The following LRRC4C variants were observed in gnomAD, a reference collection of about 807,000 sequenced individuals.
The protein encoded by LRRC4C is leucine-rich repeat-containing protein 4C.
In LRRC4C, 5 loss-of-function variants were observed where a neutral mutation model predicts 33.6. The ratio of observed to expected loss-of-function variants is 0.15; its 90% CI spans 0.08 to 0.31. The LOEUF (loss-of-function observed/expected upper bound fraction) is 0.31. Among genes scored for constraint, LRRC4C ranks in the 10% least tolerant of loss-of-function variants. The probability of loss-of-function intolerance (pLI) is 1.00; values close to 1 mark genes in which losing one functional copy is unlikely to be tolerated. For synonymous variants in LRRC4C, 329 were observed against 302.0 expected (o/e 1.09, Z -0.93); for missense variants, 560 against 796.7 (o/e 0.70, Z 3.58).
At chr11:40,435,923 C>T (rs1474928145) in intron 3 of LRRC4C, among the ~76,000 whole-genome samples, 1 of 152,134 alleles carries the variant, frequency 6.6e-6, no homozygotes, top group Non-Finnish European at 1.5e-5. Flanking sequence ...TCTGAGCTAG[C>T]TGCTACTCTT....
intron 1 of LRRC4C, among the ~76,000 whole-genome samples, chr11:41,027,778 T>G (rs1213461630): frequency 6.6e-6 from 1 of 151,702 alleles, no homozygotes; most frequent in Non-Finnish European, 1.5e-5. Flanking sequence ...AATTTGCTAT[T>G]TTAATACCCA....
Position 41,179,297 on chromosome 11 carries a change from A to G in LRRC4C, c.-495-245574T>C, listed in dbSNP as rs544049295. Among the ~76,000 whole-genome samples, 6 of 152,208 alleles carry G rather than the reference A, an allele frequency of 3.9e-5. No homozygotes were observed. In the East Asian group the frequency reaches 1.2e-3, roughly 29 times the overall value. Reference sequence around the variant, plus strand: ...ACTTTGAAGATGGAAGAGATTTCAGAAGTTATGTAATCTAACACTCAGTTT... The same window carrying G: ...ACTTTGAAGATGGAAGAGATTTCAGGAGTTATGTAATCTAACACTCAGTTT... On this transcript the variant is annotated intron_variant, in intron 1 of 6. Coordinates refer to ENST00000528697, the MANE Select transcript of LRRC4C (RefSeq NM_001258419.2).
chr11:41,082,864 C>CA (rs1939683284), intron 1 of LRRC4C, among the ~76,000 whole-genome samples: 1 of 151,918 alleles, frequency 6.6e-6, no homozygotes. Flanking sequence ...CCAGAGGTCT[C>CA]AAAAAATAGC....
At chr11:40,997,911 G>A (rs377430200) in intron 1 of LRRC4C, among the ~76,000 whole-genome samples, 2 of 152,268 alleles carry the variant, frequency 1.3e-5, no homozygotes, top group South Asian at 2.1e-4. Flanking sequence ...ACAGGTTGGA[G>A]TAGGTGTTTC....
intron 1 of LRRC4C, among the ~76,000 whole-genome samples, chr11:41,272,009 A>G (rs1282037723): frequency 6.6e-6 from 1 of 152,160 alleles, no homozygotes; most frequent in African/African-American, 2.4e-5. Context: ...CTAAAGTCAC[A>G]TAAAAAAGAA....
intron 4 of LRRC4C, among the ~76,000 whole-genome samples, chr11:40,270,728 C>T (rs1942630715): frequency 6.6e-6 from 1 of 152,088 alleles, no homozygotes; most frequent in Non-Finnish European, 1.5e-5. Flanking sequence ...CTTCTATTTT[C>T]ACACAGTTGC....
chr11:41,127,405 A>G (rs1038018308), intron 1 of LRRC4C, among the ~76,000 whole-genome samples: 3 of 152,102 alleles, frequency 2.0e-5, no homozygotes, highest in Non-Finnish European at 2.9e-5. Flanking sequence ...GCCAAACGAA[A>G]GAATATGGAA....
At chr11:41,224,035 T>G (rs1204394679) in intron 1 of LRRC4C, among the ~76,000 whole-genome samples, 1 of 152,200 alleles carries the variant, frequency 6.6e-6, no homozygotes, top group Non-Finnish European at 1.5e-5. Context: ...TCCACCAATA[T>G]AATGCTTTTT....
chr11:40,837,670 T>G (rs1458767142), intron 2 of LRRC4C, among the ~76,000 whole-genome samples: 1 of 70,324 alleles, frequency 1.4e-5, no homozygotes. Flanking sequence ...GGAGACCCTG[T>G]CTCTTCAAAA....
At position 40,236,596 on chromosome 11, in the gene LRRC4C, C is replaced by G. The variant is rs141602871; in HGVS notation, c.-96+4923G>C. Among the ~76,000 whole-genome samples the G allele has an allele frequency of 6.1e-4, 93 of 152,200 alleles. No homozygotes were observed. In the East Asian group the frequency reaches 0.016, roughly 27 times the overall value. ...GGATTATGAACAGAATATAGTGTGT[C>G]GCTTCTAGGGAAAGGCAGAAAAAAG... On this transcript the variant is annotated intron_variant, in intron 5 of 6. Coordinates refer to ENST00000528697, the MANE Select transcript of LRRC4C (RefSeq NM_001258419.2).
At chr11:41,251,068 C>A (rs1948623274) in intron 1 of LRRC4C, among the ~76,000 whole-genome samples, 1 of 152,126 alleles carries the variant, frequency 6.6e-6, no homozygotes, top group Admixed American at 6.6e-5. Flanking sequence ...ACTTTACACT[C>A]AACCAAAAAT....
chr11:40,950,374 C>G (rs1000475291), intron 1 of LRRC4C, among the ~76,000 whole-genome samples: 1 of 152,062 alleles, frequency 6.6e-6, no homozygotes, highest in African/African-American at 2.4e-5. Flanking sequence ...CCTTACTTTT[C>G]CACTCAGATG....
At chr11:40,774,202 T>C (rs1257347052) in intron 2 of LRRC4C, among the ~76,000 whole-genome samples, 1 of 152,132 alleles carries the variant, frequency 6.6e-6, no homozygotes, top group African/African-American at 2.4e-5. Flanking sequence ...GGCTGAATAA[T>C]ATTCCATGTA....
intron 1 of LRRC4C, among the ~76,000 whole-genome samples, chr11:41,273,041 T>A (rs1949369212): frequency 6.6e-6 from 1 of 152,194 alleles, no homozygotes; most frequent in Admixed American, 6.5e-5. Flanking sequence ...TGGTGTCATA[T>A]AGCTCATATT....
At chr11:40,290,201 C>T (rs1429456345) in intron 4 of LRRC4C, among the ~76,000 whole-genome samples, 1 of 152,136 alleles carries the variant, frequency 6.6e-6, no homozygotes, top group Non-Finnish European at 1.5e-5. Flanking sequence ...GTGCTAAATT[C>T]CAGCTGAGCA....
intron 1 of LRRC4C, among the ~76,000 whole-genome samples, chr11:40,988,140 A>G (rs1853207936): frequency 6.6e-6 from 1 of 152,148 alleles, no homozygotes; most frequent in South Asian, 2.1e-4. Flanking sequence ...ATTTTTTAAA[A>G]GTGAAGTTAG....
chr11:40,425,325 G>A (rs1950670737), intron 3 of LRRC4C, among the ~76,000 whole-genome samples: 1 of 152,178 alleles, frequency 6.6e-6, no homozygotes, highest in Admixed American at 6.5e-5. Context: ...GCCTCTACAT[G>A]AGGTTAGCCA....
intron 2 of LRRC4C, among the ~76,000 whole-genome samples, chr11:40,827,512 T>C (rs1244310230): frequency 6.6e-6 from 1 of 151,920 alleles, no homozygotes; most frequent in East Asian, 1.9e-4. Flanking sequence ...TAGATAGACT[T>C]ACACTGACTC....
chr11:40,782,898 A>C (rs1950269742), intron 2 of LRRC4C, among the ~76,000 whole-genome samples: 1 of 152,132 alleles, frequency 6.6e-6, no homozygotes, highest in Non-Finnish European at 1.5e-5. Context: ...TTATACATAT[A>C]CATATGTGTA....
Sources: gnomAD v4.1 joint callset for allele counts (sites outside exome capture counted in the v4.1 genomes callset) on GRCh38, gnomAD v4.1.1 for gene constraint, MANE v1.5 for transcripts, NCBI Gene and HGNC (gene_info 2026-07-23, HGNC 2026-07-21) for gene names.